Variants in THEMIS observed in about 807,000 individuals in gnomAD.
THEMIS encodes thymocyte selection associated, also known as protein THEMIS.
In THEMIS, 37 loss-of-function variants were observed where a neutral mutation model predicts 52.6. The ratio of observed to expected loss-of-function variants is 0.70; its 90% CI spans 0.54 to 0.93. The LOEUF is 0.93. THEMIS is among the 40% of genes least tolerant of loss of function. THEMIS has a pLI of 0.00. For synonymous variants in THEMIS, 292 were observed against 272.7 expected (o/e 1.07, Z -0.70); for missense variants, 808 against 763.1 (o/e 1.06, Z -0.69).
intron 4 of THEMIS, among the ~76,000 whole-genome samples, chr6:127,735,810 T>C (rs564053952): frequency 6.6e-6 from 1 of 152,302 alleles, no homozygotes; most frequent in East Asian, 1.9e-4. Flanking sequence ...TTGGAACAGG[T>C]ATATTTATTT....
chr6:127,871,788 A>C (rs1366341547), intron 1 of THEMIS, among the ~76,000 whole-genome samples: 2 of 152,170 alleles, frequency 1.3e-5, no homozygotes, highest in Non-Finnish European at 1.5e-5. Flanking sequence ...ATAACTATTA[A>C]GGAAATTTAA....
chr6:127,859,622 G>T (rs943041419), intron 1 of THEMIS, among the ~76,000 whole-genome samples: 4 of 152,016 alleles, frequency 2.6e-5, no homozygotes, highest in African/African-American at 7.2e-5. Context: ...CAAGTCAAAG[G>T]TTTTTGCATG....
In THEMIS at chr6:127,813,333, C is replaced by T. The variant is rs145198529; in HGVS notation, c.1308G>A (p.Glu436=). 532 of 1,614,010 alleles carry T rather than the reference C, an allele frequency of 3.3e-4. No homozygotes were observed. Among genetic ancestry groups the T allele is most frequent in the Non-Finnish European group, 4.3e-4 (512 of 1,180,030 alleles). Residue 436 remains glutamate (E), a synonymous_variant, in exon 4 of 6, where the codon GAG becomes GAA. Transcript: ENST00000368248. Reference sequence around the variant, plus strand: ...GGTACTGTTTCTTATCATGAATCACCTCTACAAAACCTCCTTCCATGTACA... The same window carrying T: ...GGTACTGTTTCTTATCATGAATCACTTCTACAAAACCTCCTTCCATGTACA... The part of the protein sequence containing the change: ...LPLYMEGGFV[E]VIHDKKQYPI...
rs1302216331 is a variant in THEMIS, at chr6:127,867,112, T to C, written c.92-11924A>G. ...GGGGGAAAATCCTAAAGAATTCTTT[T>C]AGTTATATAAGCCATTGTATTCTTG... On this transcript the variant is annotated intron_variant, in intron 1 of 5. Coordinates refer to ENST00000368248, the MANE Select transcript of THEMIS (RefSeq NM_001010923.3). 2.0e-5 allele frequency among the ~76,000 whole-genome samples: 3 copies of C among 151,996 alleles called. No individual in the cohort carries two copies. In the East Asian group the frequency reaches 5.8e-4, roughly 29 times the overall value.
intron 5 of THEMIS, among the ~76,000 whole-genome samples, chr6:127,717,487 G>A (rs1006635287): frequency 6.6e-6 from 1 of 151,808 alleles, no homozygotes; most frequent in Non-Finnish European, 1.5e-5. Flanking sequence ...AGCAACAAGA[G>A]TGAATCAAGG....
chr6:127,813,951 C>G lies in THEMIS; in HGVS notation c.710-20G>C. The stretch of plus-strand genomic sequence containing the variant: ...TTCGAACTAAAAAGAAAAAATAAAT[C>G]ACTATGATATTTTTGTACTTCAAAA... On this transcript the variant is annotated intron_variant, in intron 3 of 5. Transcript: ENST00000368248. The G allele has an allele frequency of 6.6e-7, 1 of 1,511,416 alleles. No homozygotes were observed. Among genetic ancestry groups the G allele is most frequent in the Non-Finnish European group, 8.8e-7 (1 of 1,132,468 alleles). The allele number at this position is 1,511,416 out of a possible 1,614,324, so 93.6% of individuals were successfully genotyped here. A position where few individuals can be genotyped will look rare whatever the true frequency, so the allele number is the denominator to read the frequency against.
intron 5 of THEMIS, among the ~76,000 whole-genome samples, chr6:127,714,035 T>A (rs2114463974): frequency 6.6e-6 from 1 of 151,882 alleles, no homozygotes; most frequent in East Asian, 1.9e-4. Flanking sequence ...GAAAAAAAAA[T>A]GGGCATATTC....
chr6:127,840,976 G>A (rs553635309), intron 2 of THEMIS, among the ~76,000 whole-genome samples: 3 of 152,162 alleles, frequency 2.0e-5, no homozygotes, highest in Middle Eastern at 3.4e-3. Flanking sequence ...GAGCACAAAG[G>A]ATTTTTAGGG....
intron 4 of THEMIS, among the ~76,000 whole-genome samples, chr6:127,780,850 G>A (rs561321178): frequency 1.2e-4 from 19 of 152,174 alleles, no homozygotes; most frequent in African/African-American, 3.6e-4. Flanking sequence ...CAACCTTGGC[G>A]AATCTGACAA....
intron 1 of THEMIS, among the ~76,000 whole-genome samples, chr6:127,862,424 G>A (rs906183186): frequency 4.3e-5 from 3 of 70,090 alleles, no homozygotes; most frequent in African/African-American, 1.3e-4. Context: ...CTCCTAGGGA[G>A]TAAATTTTTT....
intron 2 of THEMIS, among the ~76,000 whole-genome samples, chr6:127,850,707 T>G (rs1779391767): frequency 1.3e-5 from 2 of 151,514 alleles, no homozygotes; most frequent in South Asian, 4.1e-4. Context: ...GGCATAAGAG[T>G]GATAAATGGA....
chr6:127,812,959 G>A lies in THEMIS; in HGVS notation c.1682C>T (p.Pro561Leu). 2.5e-6 allele frequency: 4 copies of A among 1,614,070 alleles called. No individual in the cohort carries two copies. The highest frequency in any genetic ancestry group is 3.4e-6 in the Non-Finnish European group (4 of 1,179,988). Residue 561 changes from proline (P) to leucine (L), a missense_variant, in exon 4 of 6, where the codon CCC becomes CTC. Coordinates refer to ENST00000368248, the MANE Select transcript of THEMIS (RefSeq NM_001010923.3). ...GGTTAACTTTGTTTCCTCTACTGAG[G>A]GGTGTTTCGGAGGGCGAGGTGGGGG... Reference protein sequence around the residue: ...SHPPPRPPKHPSVEETKLTLL... With the variant: ...SHPPPRPPKHLSVEETKLTLL...
At chr6:127,730,281 G>GAAAAGAAAAGAA (rs1457703753) in intron 4 of THEMIS, among the ~76,000 whole-genome samples, 5 of 81,026 alleles carry the variant, frequency 6.2e-5, no homozygotes, top group African/African-American at 2.1e-4. Context: ...AGGAAATAAA[G>GAAAAGAAAAGAA]AAAAGAAAAG....
chr6:127,878,735 A>G (rs1780389578), intron 1 of THEMIS, among the ~76,000 whole-genome samples: 2 of 152,230 alleles, frequency 1.3e-5, no homozygotes, highest in South Asian at 4.1e-4. Flanking sequence ...ATTAATAAAT[A>G]GAAATTTCTG....
intron 1 of THEMIS, among the ~76,000 whole-genome samples, chr6:127,858,092 A>T (rs1234844883): frequency 6.6e-6 from 1 of 152,086 alleles, no homozygotes; most frequent in East Asian, 1.9e-4. Context: ...TTGGAATGTC[A>T]TCTTTCTTTT....
chr6:127,844,369 A>C (rs1779146480), intron 2 of THEMIS, among the ~76,000 whole-genome samples: 1 of 151,950 alleles, frequency 6.6e-6, no homozygotes, highest in Admixed American at 6.6e-5. Context: ...GATAGGGTAA[A>C]GGGTAGTAGA....
intron 4 of THEMIS, among the ~76,000 whole-genome samples, chr6:127,791,343 T>A (rs550613823): frequency 6.6e-6 from 1 of 152,150 alleles, no homozygotes; most frequent in African/African-American, 2.4e-5. Context: ...TTCTGCAGGC[T>A]GATTGTCCCG....
chr6:127,888,631 T>C (rs922263916), intron 1 of THEMIS, among the ~76,000 whole-genome samples: 2 of 152,022 alleles, frequency 1.3e-5, no homozygotes, highest in African/African-American at 4.8e-5. Flanking sequence ...CATGCACATG[T>C]GTTTTTCTAA....
At chr6:127,812,308 TG>T (rs1454135410) in intron 4 of THEMIS, among the ~76,000 whole-genome samples, 3 of 152,226 alleles carry the variant, frequency 2.0e-5, no homozygotes, top group Non-Finnish European at 2.9e-5. Context: ...TTATTGATTT[TG>T]TTTTTCAATA....
Sources: gnomAD v4.1 joint callset for allele counts (sites outside exome capture counted in the v4.1 genomes callset) on GRCh38, gnomAD v4.1.1 for gene constraint, MANE v1.5 for transcripts, NCBI Gene and HGNC (gene_info 2026-07-23, HGNC 2026-07-21) for gene names.